Variants in RBFOX3 observed in about 807,000 individuals in gnomAD.
RBFOX3 encodes RNA binding protein fox-1 homolog 3.
A neutral mutation model predicts 48.7 loss-of-function variants in RBFOX3; 17 were observed. The observed-to-expected ratio is 0.35, with a 90% CI of 0.24 to 0.52. RBFOX3 has a LOEUF of 0.52. Ranked by LOEUF, RBFOX3 falls within the 20% of genes least tolerant of loss-of-function variation. RBFOX3 has a pLI of 0.94. For missense variants in RBFOX3, 382 were observed against 497.5 expected (o/e 0.77, Z 2.21); for synonymous variants, 212 against 209.5 (o/e 1.01, Z -0.10).
At chr17:79,118,254 C>T (rs983168759) in intron 4 of RBFOX3, among the ~76,000 whole-genome samples, 5 of 152,306 alleles carry the variant, frequency 3.3e-5, no homozygotes, top group Middle Eastern at 3.4e-3. Flanking sequence ...CCTCTCTCTG[C>T]AGACTCTGAA....
intron 13 of RBFOX3, among the ~76,000 whole-genome samples, chr17:79,095,253 G>A (rs1244225821): frequency 3.9e-5 from 6 of 152,016 alleles, no homozygotes; most frequent in African/African-American, 7.2e-5. Context: ...TGCGGGGGGC[G>A]GTGGGGGGAC....
intron 2 of RBFOX3, among the ~76,000 whole-genome samples, chr17:79,353,835 C>A (rs1052911607): frequency 1.3e-5 from 2 of 152,138 alleles, no homozygotes; most frequent in African/African-American, 4.8e-5. Flanking sequence ...CTTCCCCAGG[C>A]GAACCTTGCA....
chr17:79,365,448 G>T (rs928103113), intron 2 of RBFOX3, among the ~76,000 whole-genome samples: 1 of 152,264 alleles, frequency 6.6e-6, no homozygotes, highest in African/African-American at 2.4e-5. Flanking sequence ...TTAAATGCCT[G>T]TGATAACACT....
intron 1 of RBFOX3, among the ~76,000 whole-genome samples, chr17:79,567,176 CTTTCTTTTTTTT>C (rs1212742334): frequency 1.7e-5 from 2 of 121,130 alleles, no homozygotes; most frequent in East Asian, 5.0e-4. Context: ...TTCTTTCTTT[CTTTCTTTTTTTT>C]TTTTTTTTTT....
At chr17:79,126,776 G>A (rs928107724) in intron 4 of RBFOX3, among the ~76,000 whole-genome samples, 2 of 152,112 alleles carry the variant, frequency 1.3e-5, no homozygotes, top group African/African-American at 2.4e-5. Flanking sequence ...CTCCCTGACC[G>A]GCACCCCGGA....
intron 2 of RBFOX3, among the ~76,000 whole-genome samples, chr17:79,372,824 G>A (rs375698438): frequency 1.3e-5 from 2 of 152,250 alleles, no homozygotes; most frequent in African/African-American, 2.4e-5. Context: ...CCAACTGGCC[G>A]CAGGTGTGCT....
rs1306408283 is a variant in RBFOX3, at chr17:79,567,165, TTTC to T, written c.-320+43658_-320+43660del. 2.1e-3 allele frequency among the ~76,000 whole-genome samples: 278 copies of T among 132,640 alleles called. 2 individuals are homozygous for T. The highest frequency in any genetic ancestry group is 0.012 in the East Asian group (52 of 4,412). 87.0% of individuals were successfully genotyped at this position (132,640 alleles called of 152,430 possible). ...ATGAGTGAGAACATGTGCTATTTTT[TTTC>T]TTTCTTTCTTTCTTTTTTTTTTTTT... is the stretch of plus-strand genomic sequence containing the variant. On this transcript the variant is annotated intron_variant, in intron 1 of 14. Coordinates refer to ENST00000693108, the MANE Select transcript of RBFOX3 (RefSeq NM_001350451.2).
intron 3 of RBFOX3, among the ~76,000 whole-genome samples, chr17:79,260,566 G>A (rs544370060): frequency 6.6e-6 from 1 of 152,178 alleles, no homozygotes; most frequent in Non-Finnish European, 1.5e-5. Flanking sequence ...GGCCAGGCCC[G>A]TGCCCCTAAC....
At chr17:79,098,953 G>A (rs1317050563) in intron 9 of RBFOX3, 1 of 152,338 alleles carries the variant, frequency 6.6e-6, no homozygotes, top group Non-Finnish European at 1.5e-5. Context: ...CTGCAGGGCA[G>A]GCAGACTGGA....
At chr17:79,487,913 GAAAAAA>G (rs60345819) in intron 1 of RBFOX3, among the ~76,000 whole-genome samples, 3 of 76,902 alleles carry the variant, frequency 3.9e-5, no homozygotes, top group Non-Finnish European at 7.4e-5. Flanking sequence ...CCCCATCTCA[GAAAAAA>G]AAAAAAAAAA....
chr17:79,162,589 G>T (rs2047189318), intron 4 of RBFOX3, among the ~76,000 whole-genome samples: 1 of 152,272 alleles, frequency 6.6e-6, no homozygotes, highest in African/African-American at 2.4e-5. Flanking sequence ...GGACTGAGAA[G>T]CGGGGCTATA....
intron 1 of RBFOX3, among the ~76,000 whole-genome samples, chr17:79,528,778 G>A (rs1181627627): frequency 6.6e-5 from 10 of 152,034 alleles, no homozygotes; most frequent in African/African-American, 2.2e-4. Context: ...CAGGAAGAGG[G>A]GAGGGAGGAC....
intron 1 of RBFOX3, among the ~76,000 whole-genome samples, chr17:79,539,441 T>G (rs2089346347): frequency 6.6e-6 from 1 of 152,226 alleles, no homozygotes; most frequent in South Asian, 2.1e-4. Context: ...TTTGACTTTT[T>G]ATAAAGTAAC....
intron 2 of RBFOX3, among the ~76,000 whole-genome samples, chr17:79,431,454 C>T (rs1455889845): frequency 1.3e-5 from 2 of 151,396 alleles, no homozygotes; most frequent in Non-Finnish European, 2.9e-5. Flanking sequence ...GCTGGAATTA[C>T]AGGTGCCCCC....
At chr17:79,446,597 G>A (rs2072346579) in intron 2 of RBFOX3, among the ~76,000 whole-genome samples, 1 of 152,196 alleles carries the variant, frequency 6.6e-6, no homozygotes, top group Non-Finnish European at 1.5e-5. Context: ...GCACCCAGGA[G>A]TGACTGCCCA....
rs1490667059 is a variant in RBFOX3 at position 79,198,648 on chromosome 17, T to C, written c.-34+37118A>G. On this transcript the variant is annotated intron_variant, in intron 4 of 14. Coordinates refer to ENST00000693108, the MANE Select transcript of RBFOX3 (RefSeq NM_001350451.2). The surrounding 1 kb of genome is among the most constrained non-coding windows in gnomAD (Gnocchi z 8.2). The stretch of plus-strand genomic sequence containing the variant: ...TCTCTCTCTTTTTTTTTTTTTAAGA[T>C]GGAGTCTTGCTCTGTCACTCAAGCT... Among the ~76,000 whole-genome samples the C allele has an allele frequency of 6.7e-6, 1 of 150,218 alleles. No homozygotes were observed. The highest frequency in any genetic ancestry group is 1.5e-5 in the Non-Finnish European group (1 of 67,652).
chr17:79,404,519 C>A (rs1264122570), intron 2 of RBFOX3, among the ~76,000 whole-genome samples: 2 of 152,214 alleles, frequency 1.3e-5, no homozygotes, highest in Non-Finnish European at 2.9e-5. Flanking sequence ...CGCAGAGGGC[C>A]AGCCTGTGAG....
At chr17:79,451,241 A>T (rs1384745759) in intron 2 of RBFOX3, among the ~76,000 whole-genome samples, 2 of 152,206 alleles carry the variant, frequency 1.3e-5, no homozygotes, top group African/African-American at 4.8e-5. Context: ...AAAAAAATAC[A>T]TTAGGAAATT....
At chr17:79,645,663 C>T in the RBFOX3 span, among the ~76,000 whole-genome samples, 1 of 152,218 alleles carries the variant, frequency 6.6e-6, no homozygotes, top group Non-Finnish European at 1.5e-5. Flanking sequence ...TCCCTGGCAT[C>T]ATCCAGTTCA....
Sources: gnomAD v4.1 joint callset for allele counts (sites outside exome capture counted in the v4.1 genomes callset) on GRCh38, gnomAD v4.1.1 for gene constraint, Gnocchi (gnomAD v3.1) non-coding constraint, MANE v1.5 for transcripts, NCBI Gene and HGNC (gene_info 2026-07-23, HGNC 2026-07-21) for gene names.